Variants in GNAI1 observed in about 807,000 individuals in gnomAD.
GNAI1 encodes G protein subunit alpha i1, also known as guanine nucleotide-binding protein G(i) subunit alpha-1.
A neutral mutation model predicts 38.9 loss-of-function variants in GNAI1; 11 were observed. That is an observed-to-expected ratio of 0.28 (90% CI 0.18 to 0.47). GNAI1 has a LOEUF of 0.47. GNAI1 is among the 20% of genes least tolerant of loss of function. The probability of loss-of-function intolerance (pLI) is 0.99; values close to 1 mark genes in which losing one functional copy is unlikely to be tolerated. For missense variants in GNAI1, 317 were observed against 436.9 expected (o/e 0.73, Z 2.45); for synonymous variants, 166 against 145.1 (o/e 1.14, Z -1.04).
At chr7:80,165,854 G>A (rs1460655607) in intron 1 of GNAI1, among the ~76,000 whole-genome samples, 5 of 152,072 alleles carry the variant, frequency 3.3e-5, no homozygotes, top group South Asian at 2.1e-4. Flanking sequence ...TACTTTGATA[G>A]CAGTTACTGT....
intron 1 of GNAI1, among the ~76,000 whole-genome samples, chr7:80,145,038 C>A (rs1163335416): frequency 2.6e-5 from 4 of 152,154 alleles, no homozygotes; most frequent in Non-Finnish European, 5.9e-5. Flanking sequence ...TCCTCTCTTG[C>A]CTCCAGCACC....
chr7:80,210,556 C>T (rs1042806506), intron 5 of GNAI1, among the ~76,000 whole-genome samples: 3 of 152,042 alleles, frequency 2.0e-5, no homozygotes, highest in South Asian at 4.1e-4. Context: ...TTCAATGTTC[C>T]GTGACTGTGG....
intron 1 of GNAI1, among the ~76,000 whole-genome samples, chr7:80,150,676 TTTA>T (rs934143143): frequency 1.3e-5 from 2 of 152,154 alleles, no homozygotes; most frequent in African/African-American, 4.8e-5. Context: ...CACACAGATG[TTTA>T]TTATCTTATT....
chr7:80,160,727 C>T (rs1787909641), intron 1 of GNAI1, among the ~76,000 whole-genome samples: 1 of 152,110 alleles, frequency 6.6e-6, no homozygotes, highest in Non-Finnish European at 1.5e-5. Flanking sequence ...TTATGTTCTT[C>T]AGACCATTAT....
At chr7:80,217,238 A>AGTTTCATCTGTATGAAACTGAC in intron 7 of GNAI1, 65 bp from the exon 8 acceptor site, 1 of 323,768 alleles carries the variant, frequency 3.1e-6, no homozygotes, top group South Asian at 5.2e-5. Context: ...ATGAAACTGA[A>AGTTTCATCTGTATGAAACTGAC]TTCAGTATTT....
chr7:80,222,595 C>T lies in GNAI1; in HGVS notation c.*5102C>T, dbSNP rs1003391541. ...AGAGACGGGGTTTCTCCATGTCGGT[C>T]GGGCTGGTCTCGAACTCCTGACCTC... On this transcript the variant is annotated 3_prime_UTR_variant, in exon 8 of 8. Transcript: ENST00000649796. Among the ~76,000 whole-genome samples the T allele has an allele frequency of 9.9e-5, 15 of 151,904 alleles. No individual in the cohort carries two copies. Among genetic ancestry groups the T allele is most frequent in the Non-Finnish European group, 1.5e-5 (1 of 67,978 alleles).
At chr7:80,147,273 C>T (rs779266724) in intron 1 of GNAI1, among the ~76,000 whole-genome samples, 13 of 151,844 alleles carry the variant, frequency 8.6e-5, no homozygotes, top group Non-Finnish European at 1.9e-4. Context: ...GAAACCCTAA[C>T]CCCCAATGTG....
chr7:80,203,916 AC>A (rs946178586), intron 5 of GNAI1, 84 bp downstream of exon 5: 49 of 791,286 alleles, frequency 6.2e-5, no homozygotes, highest in Non-Finnish European at 8.8e-5. Flanking sequence ...AAAGTTTACA[AC>A]ATTTTTACAG....
chr7:80,174,167 T>A (rs1788143529), intron 1 of GNAI1, among the ~76,000 whole-genome samples: 1 of 152,188 alleles, frequency 6.6e-6, no homozygotes, highest in Non-Finnish European at 1.5e-5. Flanking sequence ...ATCATAGAGA[T>A]ACCATTTTTT....
intron 1 of GNAI1, among the ~76,000 whole-genome samples, chr7:80,166,756 C>T (rs1788015787): frequency 6.6e-6 from 1 of 152,152 alleles, no homozygotes; most frequent in Non-Finnish European, 1.5e-5. Flanking sequence ...ATACTACTGT[C>T]ATAGATTGGG....
intron 1 of GNAI1, among the ~76,000 whole-genome samples, chr7:80,154,771 G>C (rs1329412405): frequency 1.3e-5 from 2 of 152,088 alleles, no homozygotes; most frequent in Non-Finnish European, 1.5e-5. Flanking sequence ...CTTGAAAATG[G>C]TATTTACATT....
rs1455254135 is a variant in GNAI1 at position 80,144,936 on chromosome 7, A to C, written c.118+9658A>C. ...ATGCAAGGTATATTTTGTTACTGTA[A>C]AAAGTAATGGTGGTCAGTAAAGTTG... On this transcript the variant is annotated intron_variant, in intron 1 of 7. Coordinates refer to ENST00000649796, the MANE Select transcript of GNAI1 (RefSeq NM_002069.6). 2.0e-5 allele frequency among the ~76,000 whole-genome samples: 3 copies of C among 152,300 alleles called. No individual in the cohort carries two copies. The South Asian group carries it at 6.2e-4, about 32-fold the overall frequency.
chr7:80,145,944 T>G (rs959142345), intron 1 of GNAI1, among the ~76,000 whole-genome samples: 9 of 152,148 alleles, frequency 5.9e-5, no homozygotes, highest in Admixed American at 5.2e-4. Flanking sequence ...CTCAGCTGTT[T>G]CGAGTGCTTT....
intron 5 of GNAI1, among the ~76,000 whole-genome samples, chr7:80,209,460 A>G (rs1350497350): frequency 6.6e-6 from 1 of 152,190 alleles, no homozygotes; most frequent in Non-Finnish European, 1.5e-5. Context: ...ATTATTAAGG[A>G]TAGTCTCCAT....
At chr7:80,138,489 A>G (rs529381522) in intron 1 of GNAI1, among the ~76,000 whole-genome samples, 1 of 152,330 alleles carries the variant, frequency 6.6e-6, no homozygotes, top group South Asian at 2.1e-4. Context: ...GAAGTAAGTA[A>G]TAATGAAAGT....
chr7:80,143,364 T>C (rs1342758383), intron 1 of GNAI1, among the ~76,000 whole-genome samples: 1 of 152,172 alleles, frequency 6.6e-6, no homozygotes, highest in African/African-American at 2.4e-5. Context: ...TGGAGGTAGC[T>C]TGCCTCTCAG....
chr7:80,162,154 A>T (rs1562828058), intron 1 of GNAI1, among the ~76,000 whole-genome samples: 1 of 152,166 alleles, frequency 6.6e-6, no homozygotes, highest in East Asian at 1.9e-4. Flanking sequence ...GTCTGGATTC[A>T]GCAAGTAAGT....
Position 80,135,224 on chromosome 7 carries a change from A to T in GNAI1, c.64A>T (p.Asn22Tyr). Residue 22 changes from asparagine (N) to tyrosine (Y), a missense_variant, in exon 1 of 8, where the codon AAC (asparagine) becomes TAC (tyrosine). By Grantham distance (143) the Asn-to-Tyr change is moderately radical. Around this residue, in one of 5 missense-constraint regions of GNAI1, gnomAD observed 40 missense variants for 78.0 expected, o/e 0.51. Coordinates refer to ENST00000649796, the MANE Select transcript of GNAI1 (RefSeq NM_002069.6). ...GGAGCGGAGTAAGATGATCGACCGC[A>T]ACCTCCGTGAGGACGGCGAGAAGGC... is the stretch of plus-strand genomic sequence containing the variant. ...AVERSKMIDR[N>Y]LREDGEKAAR... is the part of the protein sequence containing the mutation. The T allele has an allele frequency of 6.4e-7, 1 of 1,553,584 alleles. No homozygotes were observed. Among genetic ancestry groups the T allele is most frequent in the Non-Finnish European group, 8.7e-7 (1 of 1,150,504 alleles).
intron 4 of GNAI1, among the ~76,000 whole-genome samples, chr7:80,199,817 A>AT (rs559517153): frequency 2.6e-4 from 39 of 152,184 alleles, no homozygotes; most frequent in African/African-American, 8.7e-4. Flanking sequence ...GTAAGTAGGG[A>AT]TTTTTTGAAG....
Sources: allele counts gnomAD v4.1 joint callset (sites outside exome capture counted in the v4.1 genomes callset), GRCh38; gene constraint gnomAD v4.1.1; regional missense constraint gnomAD v4.1.1; transcripts MANE v1.5; gene names NCBI Gene and HGNC (gene_info 2026-07-23, HGNC 2026-07-21).